Variants in CBX6 observed in about 807,000 individuals in gnomAD.
CBX6 encodes the protein chromobox 6, also known as chromobox protein homolog 6.
A neutral mutation model predicts 28.4 loss-of-function variants in CBX6; 7 were observed. That is an observed-to-expected ratio of 0.25 (90% CI 0.14 to 0.46). The LOEUF is 0.46. CBX6 is among the 20% of genes least tolerant of loss of function. The pLI is 0.99. For missense variants in CBX6, 512 were observed against 606.1 expected (o/e 0.84, Z 1.63); for synonymous variants, 297 against 273.4 (o/e 1.09, Z -0.85).
chr22:38,871,520 G>A lies in CBX6; in HGVS notation c.206C>T (p.Pro69Leu). Residue 69 changes from proline (P) to leucine (L), a missense_variant, in exon 4 of 5, where the codon CCC becomes CTC. Around this residue, in one of 7 missense-constraint regions of CBX6, gnomAD observed 20 missense variants for 70.3 expected, o/e 0.28. Coordinates refer to ENST00000407418, the MANE Select transcript of CBX6 (RefSeq NM_014292.5). The surrounding 1 kb of genome is among the most constrained non-coding windows in gnomAD (Gnocchi z 5.6). ...TTTGGGTTTGGGTCCCCTCTTCTTG[G>A]GCCCATACAGCTCACGCTCCCTCTC... ...QKERERELYG[P>L]KKRGPKPKTF... 1 of 1,613,656 alleles carries A rather than the reference G, an allele frequency of 6.2e-7. No homozygotes were observed. Among genetic ancestry groups the A allele is most frequent in the Non-Finnish European group, 8.5e-7 (1 of 1,179,856 alleles).
Position 38,871,686 on chromosome 22 carries a change from A to G in CBX6, c.179+6T>C. On this transcript the variant is annotated splice_donor_region_variant and intron_variant, in intron 3 of 4. Transcript: ENST00000407418. This position sits in a 1 kb window ranked among gnomAD's most constrained non-coding sequence, Gnocchi z 5.6. ...GCAGCCCCTGCCAGCTTCCCCAACAACTCACTTTTGTTCGAAGGCTGCAAT... is the reference window on the plus strand; with the variant it reads ...GCAGCCCCTGCCAGCTTCCCCAACAGCTCACTTTTGTTCGAAGGCTGCAAT... The G allele has an allele frequency of 6.2e-7, 1 of 1,613,104 alleles. No homozygotes were observed. The highest frequency in any genetic ancestry group is 8.5e-7 in the Non-Finnish European group (1 of 1,179,560).
At position 38,867,211 on chromosome 22, in the gene CBX6, G is replaced by A; in HGVS notation, c.247-10C>T. On this transcript the variant is annotated splice_polypyrimidine_tract_variant and intron_variant, in intron 4 of 4. Coordinates refer to ENST00000407418, the MANE Select transcript of CBX6 (RefSeq NM_014292.5). ...CGGCCTGGGCCCGCGCCTGCGGGCA[G>A]AGGGAGGGGTGGGTGGGACCTCAGG... The A allele has an allele frequency of 1.3e-6, 2 of 1,492,164 alleles. No individual in the cohort carries two copies. Among genetic ancestry groups the A allele is most frequent in the Non-Finnish European group, 1.8e-6 (2 of 1,111,850 alleles). 92.4% of individuals were successfully genotyped at this position (1,492,164 alleles called of 1,614,324 possible).
rs1309108682 is a variant in CBX6, at chr22:38,872,097, C to A, written c.69+25G>T. ...CCCCGGCCCCGGCTGCGGACAGCGG[C>A]GGCCCGCCCCGGGCGGCGGCTCACC... is the stretch of plus-strand genomic sequence containing the variant. On this transcript the variant is annotated intron_variant, in intron 1 of 4. Coordinates refer to ENST00000407418, the MANE Select transcript of CBX6 (RefSeq NM_014292.5). The surrounding 1 kb of genome is among the most constrained non-coding windows in gnomAD (Gnocchi z 5.0). 7.5e-7 allele frequency: 1 copy of A among 1,340,466 alleles called. No homozygotes were observed. Among genetic ancestry groups the A allele is most frequent in the Non-Finnish European group, 9.7e-7 (1 of 1,033,800 alleles). The allele number at this position is 1,340,466 out of a possible 1,614,324, so 83.0% of individuals were successfully genotyped here.
In CBX6 at chr22:38,864,988, G is replaced by C. The variant is rs745432774; in HGVS notation, c.*1221C>G. On this transcript the variant is annotated 3_prime_UTR_variant, in exon 5 of 5. Transcript: ENST00000407418. The stretch of plus-strand genomic sequence containing the variant: ...AGCTCCCAGGCAGCAGAGGGAAACA[G>C]AAGCTGCCCAGGACACGGGAGCCTC... 3 of 152,342 alleles carry C rather than the reference G, an allele frequency of 2.0e-5. No homozygotes were observed. Among genetic ancestry groups the C allele is most frequent in the Non-Finnish European group, 4.4e-5 (3 of 68,112 alleles). 9.4% of individuals were successfully genotyped at this position (152,342 alleles called of 1,614,324 possible). A position where few individuals can be genotyped will look rare whatever the true frequency, so the allele number is the denominator to read the frequency against.
rs920604815 is a variant in CBX6 at position 38,865,012 on chromosome 22, T to G, written c.*1197A>C. 6 of 152,250 alleles carry G rather than the reference T, an allele frequency of 3.9e-5. No individual in the cohort carries two copies. Among genetic ancestry groups the G allele is most frequent in the Non-Finnish European group, 5.9e-5 (4 of 68,090 alleles). The allele number at this position is 152,250 out of a possible 1,614,324, so 9.4% of individuals were successfully genotyped here. A position where few individuals can be genotyped will look rare whatever the true frequency, so the allele number is the denominator to read the frequency against. ...AGAAGCTGCCCAGGACACGGGAGCC[T>G]CCTTTGCTTCAGGCAGGCTGGGCTG... On this transcript the variant is annotated 3_prime_UTR_variant, in exon 5 of 5. Transcript: ENST00000407418.
In CBX6 at chr22:38,871,496, T is replaced by C; in HGVS notation, c.230A>G (p.Lys77Arg). 1 of 1,612,062 alleles carries C rather than the reference T, an allele frequency of 6.2e-7. No homozygotes were observed. The highest frequency in any genetic ancestry group is 8.5e-7 in the Non-Finnish European group (1 of 1,179,226). ...CCAGGTTACCTTCAGGAGGAAAGTT[T>C]TGGGTTTGGGTCCCCTCTTCTTGGG... is the stretch of plus-strand genomic sequence containing the variant. ...YGPKKRGPKP[K>R]TFLLKARAQA... The change falls in exon 4 of 5, where the codon AAA becomes AGA. Residue 77 changes from lysine (K) to arginine (R), a missense_variant. Transcript: ENST00000407418. This position sits in a 1 kb window ranked among gnomAD's most constrained non-coding sequence, Gnocchi z 5.6.
In CBX6 at chr22:38,867,044, G is replaced by A; in HGVS notation, c.404C>T (p.Pro135Leu). The change falls in exon 5 of 5, where the codon CCC (proline) becomes CTC (leucine). Residue 135 changes from proline (P) to leucine (L), a missense_variant. Coordinates refer to ENST00000407418, the MANE Select transcript of CBX6 (RefSeq NM_014292.5). ...GCTGCCCCCCTGCGGGTCCGGGCGG[G>A]GCAGGGGACGGCGGGACATACGGTG... Reference protein sequence around the residue: ...RCHRMSRRPLPRPDPQGGSPG... With the variant: ...RCHRMSRRPLLRPDPQGGSPG... The A allele has an allele frequency of 6.2e-7, 1 of 1,605,598 alleles. No homozygotes were observed. Among genetic ancestry groups the A allele is most frequent in the Non-Finnish European group, 8.5e-7 (1 of 1,177,416 alleles).
At chr22:38,868,306 C>A (rs1042861485) in intron 4 of CBX6, among the ~76,000 whole-genome samples, 2 of 152,196 alleles carry the variant, frequency 1.3e-5, no homozygotes, top group Non-Finnish European at 2.9e-5. Flanking sequence ...GGACGGTGGG[C>A]AGTGGGAATA....
chr22:38,871,441 G>A lies in CBX6; in HGVS notation c.246+39C>T, dbSNP rs370551827. The A allele has an allele frequency of 7.7e-6, 12 of 1,567,900 alleles. No homozygotes were observed. Among genetic ancestry groups the A allele is most frequent in the African/African-American group, 1.4e-5 (1 of 73,150 alleles). Reference sequence around the variant, plus strand: ...GCCCCGTGCTGTGCCGGGGCTGGGGGCCCGAGAGGGGGATGCTGCTGGGGC... The same window carrying A: ...GCCCCGTGCTGTGCCGGGGCTGGGGACCCGAGAGGGGGATGCTGCTGGGGC... On this transcript the variant is annotated intron_variant, in intron 4 of 4. Coordinates refer to ENST00000407418, the MANE Select transcript of CBX6 (RefSeq NM_014292.5). This position sits in a 1 kb window ranked among gnomAD's most constrained non-coding sequence, Gnocchi z 5.6.
chr22:38,867,249 C>A, intron 4 of CBX6, 48 bp from the exon 5 acceptor site: 1 of 1,506,216 alleles, frequency 6.6e-7, no homozygotes, highest in Non-Finnish European at 8.8e-7. Context: ...TGCCCGCTGA[C>A]CTCCCCTGGA....
At position 38,865,935 on chromosome 22, in the gene CBX6, G is replaced by C; in HGVS notation, c.*274C>G. 1 of 507,766 alleles carries C rather than the reference G, an allele frequency of 2.0e-6. No homozygotes were observed. Among genetic ancestry groups the C allele is most frequent in the Non-Finnish European group, 3.5e-6 (1 of 286,694 alleles). 31.5% of individuals were successfully genotyped at this position (507,766 alleles called of 1,614,324 possible). On this transcript the variant is annotated 3_prime_UTR_variant, in exon 5 of 5. Coordinates refer to ENST00000407418, the MANE Select transcript of CBX6 (RefSeq NM_014292.5). ...AGACAGGTGGGATGTGGAAGGGGCA[G>C]AGGAACCCTAGTTTCTAGGGCTTTC... is the stretch of plus-strand genomic sequence containing the variant.
chr22:38,867,074 C>A lies in CBX6; in HGVS notation c.374G>T (p.Arg125Leu). Residue 125 changes from arginine to leucine, a missense_variant, in exon 5 of 5, where the codon CGC (arginine) becomes CTC (leucine). Transcript: ENST00000407418. ...GGGACGGCGGGACATACGGTGGCAG[C>A]GGCGGATGTCCTTCTTGAGCCGGTG... The part of the protein sequence containing the change: ...AVHRLKKDIR[R>L]CHRMSRRPLP... 6.2e-7 allele frequency: 1 copy of A among 1,602,644 alleles called. No individual in the cohort carries two copies. The highest frequency in any genetic ancestry group is 2.3e-5 in the East Asian group (1 of 44,324).
In CBX6 at chr22:38,862,875, C is replaced by T. The variant is rs541672990; in HGVS notation, c.*3334G>A. ...AAGCATCCTGGGCCCCAGTCCCTGCCGCATTCCCCCAGTGAAGCAGCTGCG... is the reference window on the plus strand; with the variant it reads ...AAGCATCCTGGGCCCCAGTCCCTGCTGCATTCCCCCAGTGAAGCAGCTGCG... On this transcript the variant is annotated 3_prime_UTR_variant, in exon 5 of 5. Transcript: ENST00000407418. The T allele has an allele frequency of 7.9e-5, 12 of 152,456 alleles. No homozygotes were observed. Among genetic ancestry groups the T allele is most frequent in the Non-Finnish European group, 1.5e-4 (10 of 68,100 alleles). 9.4% of individuals were successfully genotyped at this position (152,456 alleles called of 1,614,324 possible). A position where few individuals can be genotyped will look rare whatever the true frequency, so the allele number is the denominator to read the frequency against.
rs771931405 is a variant in CBX6 at position 38,866,438 on chromosome 22, C to A, written c.1010G>T (p.Gly337Val). ...CTCAGGGGCCGTGGGAGGTGCCGGG[C>A]CGGCAGCAGCTGTGACCTCAGGCGG... ...RAPPEVTAAA[G>V]PAPPTAPEPA... The change falls in exon 5 of 5, where the codon GGC (glycine) becomes GTC (valine). Residue 337 changes from glycine (G) to valine (V), a missense_variant. This residue lies in a region of CBX6 where 290 missense variants were observed against 274.1 expected (regional missense o/e 1.06). Coordinates refer to ENST00000407418, the MANE Select transcript of CBX6 (RefSeq NM_014292.5). The surrounding 1 kb of genome is among the most constrained non-coding windows in gnomAD (Gnocchi z 7.5). 4.4e-6 allele frequency: 7 copies of A among 1,608,806 alleles called. No homozygotes were observed. Among genetic ancestry groups the A allele is most frequent in the Non-Finnish European group, 5.9e-6 (7 of 1,178,902 alleles).
In CBX6 at chr22:38,865,945, A is replaced by C. The variant is rs1192413058; in HGVS notation, c.*264T>G. 9.7e-6 allele frequency: 5 copies of C among 513,308 alleles called. No homozygotes were observed. Among genetic ancestry groups the C allele is most frequent in the Non-Finnish European group, 1.7e-5 (5 of 290,388 alleles). 31.8% of individuals were successfully genotyped at this position (513,308 alleles called of 1,614,324 possible). ...GATGTGGAAGGGGCAGAGGAACCCT[A>C]GTTTCTAGGGCTTTCCAGAAACCAC... On this transcript the variant is annotated 3_prime_UTR_variant, in exon 5 of 5. Transcript: ENST00000407418.
rs911811114 is a variant in CBX6, at chr22:38,863,975, A to G, written c.*2234T>C. The G allele has an allele frequency of 1.3e-5, 2 of 152,178 alleles. No homozygotes were observed. Among genetic ancestry groups the G allele is most frequent in the African/African-American group, 4.8e-5 (2 of 41,420 alleles). The allele number at this position is 152,178 out of a possible 1,614,324, so 9.4% of individuals were successfully genotyped here. On this transcript the variant is annotated 3_prime_UTR_variant, in exon 5 of 5. Coordinates refer to ENST00000407418, the MANE Select transcript of CBX6 (RefSeq NM_014292.5). ...CAAACCTCAGCTTGCCGGGACCTGC[A>G]GCTTGGGTTAGCTCCCGGGGGCCCG... is the stretch of plus-strand genomic sequence containing the variant.
Position 38,864,992 on chromosome 22 carries a change from C to G in CBX6, c.*1217G>C, listed in dbSNP as rs1163552060. On this transcript the variant is annotated 3_prime_UTR_variant, in exon 5 of 5. Coordinates refer to ENST00000407418, the MANE Select transcript of CBX6 (RefSeq NM_014292.5). Reference sequence around the variant, plus strand: ...CCCAGGCAGCAGAGGGAAACAGAAGCTGCCCAGGACACGGGAGCCTCCTTT... The same window carrying G: ...CCCAGGCAGCAGAGGGAAACAGAAGGTGCCCAGGACACGGGAGCCTCCTTT... 6.6e-6 allele frequency: 1 copy of G among 152,438 alleles called. No individual in the cohort carries two copies. The highest frequency in any genetic ancestry group is 2.4e-5 in the African/African-American group (1 of 41,598). The allele number at this position is 152,438 out of a possible 1,614,324, so 9.4% of individuals were successfully genotyped here.
chr22:38,865,899 G>T lies in CBX6; in HGVS notation c.*310C>A. On this transcript the variant is annotated 3_prime_UTR_variant, in exon 5 of 5. Transcript: ENST00000407418. ...CAGACGCCGCACAGGAGAGCAGGAAGCAAGCTAGAGAGACAGGTGGGATGT... is the reference window on the plus strand; with the variant it reads ...CAGACGCCGCACAGGAGAGCAGGAATCAAGCTAGAGAGACAGGTGGGATGT... 2.6e-6 allele frequency: 1 copy of T among 384,494 alleles called. No homozygotes were observed. Among genetic ancestry groups the T allele is most frequent in the Non-Finnish European group, 4.7e-6 (1 of 213,008 alleles). 23.8% of individuals were successfully genotyped at this position (384,494 alleles called of 1,614,324 possible). A position where few individuals can be genotyped will look rare whatever the true frequency, so the allele number is the denominator to read the frequency against.
rs1298721724 is a variant in CBX6, at chr22:38,870,670, C to T, written c.246+810G>A. 1.3e-5 allele frequency: 2 copies of T among 152,268 alleles called. No individual in the cohort carries two copies. The highest frequency in any genetic ancestry group is 4.8e-5 in the African/African-American group (2 of 41,458). The allele number at this position is 152,268 out of a possible 1,614,324, so 9.4% of individuals were successfully genotyped here. A position where few individuals can be genotyped will look rare whatever the true frequency, so the allele number is the denominator to read the frequency against. ...AGGGGGCCCTGAGGCATCCGTAGCA[C>T]TACAGGAAGACAGGGGGCCCACTGA... On this transcript the variant is annotated intron_variant, in intron 4 of 4. Coordinates refer to ENST00000407418, the MANE Select transcript of CBX6 (RefSeq NM_014292.5). This position sits in a 1 kb window ranked among gnomAD's most constrained non-coding sequence, Gnocchi z 4.3.
Sources: allele counts gnomAD v4.1 joint callset (sites outside exome capture counted in the v4.1 genomes callset), GRCh38; gene constraint gnomAD v4.1.1; regional missense constraint gnomAD v4.1.1; non-coding constraint Gnocchi (gnomAD v3.1); transcripts MANE v1.5; gene names NCBI Gene and HGNC (gene_info 2026-07-23, HGNC 2026-07-21).